RPRD1B: variants seen among roughly 807,000 people sequenced by gnomAD.
RPRD1B encodes the protein regulation of nuclear pre-mRNA domain containing 1B.
RPRD1B carries 11 observed loss-of-function variants against 41.5 expected under a neutral mutation model. The observed-to-expected ratio is 0.27, with a 90% CI of 0.17 to 0.44. The LOEUF (loss-of-function observed/expected upper bound fraction) is 0.44. Ranked by LOEUF, RPRD1B falls within the 20% of genes least tolerant of loss-of-function variation. The probability of loss-of-function intolerance (pLI) is 1.00; values close to 1 mark genes in which losing one functional copy is unlikely to be tolerated. For synonymous variants in RPRD1B, 158 were observed against 155.6 expected (o/e 1.02, Z -0.12); for missense variants, 248 against 389.9 (o/e 0.64, Z 3.06).
rs567128456 is a variant in RPRD1B, at chr20:38,080,287, C to T, written c.832-9439C>T. Among the ~76,000 whole-genome samples the T allele has an allele frequency of 1.2e-3, 182 of 152,260 alleles. 1 individual carries two copies. The highest frequency in any genetic ancestry group is 1.9e-3 in the Non-Finnish European group (127 of 68,020). ...TGGAGTCTTTGCCAGGGCCGGTGTC[C>T]GGCATGGTATTTCCTAGGTTTTCTC... On this transcript the variant is annotated intron_variant, in intron 6 of 6. Coordinates refer to ENST00000373433, the MANE Select transcript of RPRD1B (RefSeq NM_021215.4).
intron 2 of RPRD1B, among the ~76,000 whole-genome samples, chr20:38,045,021 G>A (rs6068593): frequency 6.6e-6 from 1 of 152,156 alleles, no homozygotes; most frequent in Non-Finnish European, 1.5e-5. Flanking sequence ...CAGGGACTCA[G>A]GTGTCCAGCT....
intron 6 of RPRD1B, chr20:38,083,899 T>G (rs1032573304): frequency 6.6e-6 from 1 of 152,206 alleles, no homozygotes; most frequent in Non-Finnish European, 1.5e-5. Context: ...CTAGGTCATA[T>G]GGGAGCGTGG....
At chr20:38,071,253 A>G (rs941218995) in intron 6 of RPRD1B, among the ~76,000 whole-genome samples, 8 of 152,276 alleles carry the variant, frequency 5.3e-5, no homozygotes, top group African/African-American at 1.9e-4. Flanking sequence ...TTCAAAGTGC[A>G]CACATTTTGG....
Position 38,086,532 on chromosome 20 carries a change from T to TCTCA in RPRD1B, c.832-3191_832-3190insACTC, listed in dbSNP as rs199698467. On this transcript the variant is annotated intron_variant, in intron 6 of 6. Coordinates refer to ENST00000373433, the MANE Select transcript of RPRD1B (RefSeq NM_021215.4). ...TTTTCATTTTTTTGTGGAGACAGGG[T>TCTCA]CTCTATTTCCCAGGCTGGTCTCGAA... Among the ~76,000 whole-genome samples, 1,265 of 152,224 alleles carry TCTCA rather than the reference T, an allele frequency of 8.3e-3. 9 individuals carry two copies. The highest frequency in any genetic ancestry group is 0.025 in the African/African-American group (1,036 of 41,530).
intron 1 of RPRD1B, 67 bp downstream of exon 1, chr20:38,034,165 C>T (rs1240868497): frequency 1.3e-5 from 20 of 1,490,000 alleles, no homozygotes; most frequent in Non-Finnish European, 1.7e-5. Context: ...ACAACCTAGG[C>T]CCCTCTAAGC....
chr20:38,068,119 G>A (rs1335541830), intron 6 of RPRD1B, among the ~76,000 whole-genome samples: 2 of 152,206 alleles, frequency 1.3e-5, no homozygotes, highest in South Asian at 2.1e-4. Flanking sequence ...TGGACGCCAC[G>A]AGAGGGCATT....
rs1026716714 is a variant in RPRD1B at position 38,090,919 on chromosome 20, T to G, written c.*1044T>G. 6 of 984,772 alleles carry G rather than the reference T, an allele frequency of 6.1e-6. No homozygotes were observed. In the African/African-American group the frequency reaches 8.8e-5, roughly 14 times the overall value. 61.0% of individuals were successfully genotyped at this position (984,772 alleles called of 1,614,324 possible). A position where few individuals can be genotyped will look rare whatever the true frequency, so the allele number is the denominator to read the frequency against. On this transcript the variant is annotated 3_prime_UTR_variant, in exon 7 of 7. Coordinates refer to ENST00000373433, the MANE Select transcript of RPRD1B (RefSeq NM_021215.4). The stretch of plus-strand genomic sequence containing the variant: ...TCATGTCACGCCACTGCACAGGTCC[T>G]TGTCCCCACACGACGGGGAGTACTT...
chr20:38,070,660 T>A (rs2074402861), intron 6 of RPRD1B: 1 of 984,738 alleles, frequency 1.0e-6, no homozygotes, highest in Non-Finnish European at 1.2e-6. Flanking sequence ...AGTGTGTGTG[T>A]GAGAAAGAAA....
intron 6 of RPRD1B, chr20:38,070,327 A>G: frequency 1.0e-6 from 1 of 985,526 alleles, no homozygotes; most frequent in Non-Finnish European, 1.2e-6. Context: ...TGTCATGAAC[A>G]TGAGAAAACC....
chr20:38,074,681 C>T (rs186384184), intron 6 of RPRD1B, among the ~76,000 whole-genome samples: 76 of 152,254 alleles, frequency 5.0e-4, no homozygotes, highest in East Asian at 4.4e-3. Flanking sequence ...TAAAACAGCA[C>T]CTGGGCCTCT....
intron 3 of RPRD1B, among the ~76,000 whole-genome samples, chr20:38,053,271 A>T (rs1376042204): frequency 6.6e-6 from 1 of 152,218 alleles, no homozygotes; most frequent in Admixed American, 6.5e-5. Flanking sequence ...TGAAAAGGAA[A>T]CCTGGAAATC....
At chr20:38,083,418 C>T (rs1020789243) in intron 6 of RPRD1B, among the ~76,000 whole-genome samples, 4 of 152,130 alleles carry the variant, frequency 2.6e-5, no homozygotes, top group Admixed American at 2.0e-4. Flanking sequence ...TTGTCCAGTC[C>T]TAAAGTGTAT....
At position 38,076,906 on chromosome 20, in the gene RPRD1B, C is replaced by CTTTTTTTTTTTTTTTTTTTTTTTTTTT. The variant is rs573460686; in HGVS notation, c.831+10654_831+10680dup. Among the ~76,000 whole-genome samples the CTTTTTTTTTTTTTTTTTTTTTTTTTTT allele has an allele frequency of 1.6e-4, 10 of 63,510 alleles. 1 individual carries two copies. Among genetic ancestry groups the CTTTTTTTTTTTTTTTTTTTTTTTTTTT allele is most frequent in the Non-Finnish European group, 1.9e-4 (7 of 36,274 alleles). The allele number at this position is 63,510 out of a possible 152,430, so 41.7% of individuals were successfully genotyped here. A position where few individuals can be genotyped will look rare whatever the true frequency, so the allele number is the denominator to read the frequency against. On this transcript the variant is annotated intron_variant, in intron 6 of 6. Transcript: ENST00000373433. ...CCTTTAGCCTTTTCTCATTCTGGAC[C>CTTTTTTTTTTTTTTTTTTTTTTTTTTT]TTTTTTTTTTTTTTTTTTTTTTTTT... is the stretch of plus-strand genomic sequence containing the variant.
chr20:38,087,569 C>T (rs1158551143), intron 6 of RPRD1B, among the ~76,000 whole-genome samples: 1 of 152,104 alleles, frequency 6.6e-6, no homozygotes, highest in Non-Finnish European at 1.5e-5. Context: ...GCAGGAAGTC[C>T]GTGTTCTGTA....
intron 1 of RPRD1B, among the ~76,000 whole-genome samples, chr20:38,035,945 T>C (rs777881395): frequency 1.8e-4 from 28 of 151,992 alleles, no homozygotes; most frequent in Non-Finnish European, 3.7e-4. Context: ...TTTGTATTTT[T>C]AGTAGAGATG....
intron 6 of RPRD1B, among the ~76,000 whole-genome samples, chr20:38,087,900 A>G (rs1213401879): frequency 6.6e-6 from 1 of 152,098 alleles, no homozygotes; most frequent in East Asian, 1.9e-4. Context: ...CTGGGTGCCT[A>G]CTGTTTGCTG....
At chr20:38,062,798 A>T (rs112087969) in intron 5 of RPRD1B, among the ~76,000 whole-genome samples, 6,524 of 78,042 alleles carry the variant, frequency 0.084, 278 homozygotes, top group Non-Finnish European at 0.12. Flanking sequence ...CACCCCCACG[A>T]CTCCCCCCAT....
intron 6 of RPRD1B, among the ~76,000 whole-genome samples, chr20:38,073,527 T>C (rs1380469364): frequency 6.6e-6 from 1 of 152,222 alleles, no homozygotes. Context: ...AGAAATTCTT[T>C]GGCTACAGTT....
At chr20:38,085,430 A>G (rs1368105555) in intron 6 of RPRD1B, 1 of 152,308 alleles carries the variant, frequency 6.6e-6, no homozygotes, top group African/African-American at 2.4e-5. Context: ...ACCTGGGCAC[A>G]TCATTTTTCT....
Sources: allele counts gnomAD v4.1 joint callset (sites outside exome capture counted in the v4.1 genomes callset), GRCh38; gene constraint gnomAD v4.1.1; transcripts MANE v1.5; gene names NCBI Gene and HGNC (gene_info 2026-07-23, HGNC 2026-07-21).